The following EML1 variants were observed in gnomAD, a reference collection of about 807,000 sequenced individuals.
EML1 encodes the protein EMAP like 1.
A neutral mutation model predicts 110.4 loss-of-function variants in EML1; 27 were observed. That is an observed-to-expected ratio of 0.24 (90% CI 0.18 to 0.34). The LOEUF is 0.34. Among genes scored for constraint, EML1 ranks in the 10% least tolerant of loss-of-function variants. The pLI is 1.00. For missense variants in EML1, 741 were observed against 1,030.9 expected (o/e 0.72, Z 3.85); for synonymous variants, 344 against 385.8 (o/e 0.89, Z 1.27).
chr14:99,932,313 A>G (rs2060384741), intron 17 of EML1, among the ~76,000 whole-genome samples: 2 of 152,274 alleles, frequency 1.3e-5, no homozygotes, highest in African/African-American at 4.8e-5. Context: ...GCTGAGAGAG[A>G]TTGTGAAGTC....
intron 1 of EML1, among the ~76,000 whole-genome samples, chr14:99,804,520 G>A (rs1365935020): frequency 1.3e-5 from 2 of 152,198 alleles, no homozygotes; most frequent in African/African-American, 2.4e-5. Context: ...CCTGGCCAGT[G>A]TGTTTCAGAG....
chr14:99,914,290 A>G lies in EML1; in HGVS notation c.1606A>G (p.Thr536Ala). ...VLQGTLSGDF[T>A]PITQGHTDEL... Reference sequence around the variant, plus strand: ...GCAGGGCACTCTGTCAGGGGACTTCACACCCATTACTCAGGTACGATCCCA... The same window carrying G: ...GCAGGGCACTCTGTCAGGGGACTTCGCACCCATTACTCAGGTACGATCCCA... The change falls in exon 14 of 22, where the codon ACA (threonine) becomes GCA (alanine). Residue 536 changes from threonine (T) to alanine (A), a missense_variant. Thr to Ala is a moderately conservative substitution (Grantham distance 58). Around this residue, in one of 4 missense-constraint regions of EML1, gnomAD observed 388 missense variants for 605.6 expected, o/e 0.64. Coordinates refer to ENST00000262233, the MANE Select transcript of EML1 (RefSeq NM_004434.3). 1.9e-6 allele frequency: 3 copies of G among 1,612,498 alleles called. 1 individual carries two copies. In the South Asian group the frequency reaches 3.3e-5, roughly 18 times the overall value.
intron 1 of EML1, among the ~76,000 whole-genome samples, chr14:99,798,598 G>C (rs982228463): frequency 2.0e-5 from 3 of 152,002 alleles, no homozygotes; most frequent in Non-Finnish European, 2.9e-5. Context: ...CACCATGTTG[G>C]CCAGGCTGGT....
rs552123509 is a variant in EML1, at chr14:99,827,932, T to C, written c.68-22921T>C. ...TAGATGCGATGGTTGGTGTATAATA[T>C]GAACACTGTCTCTGCAGGATTCTTG... On this transcript the variant is annotated intron_variant, in intron 1 of 21. Coordinates refer to ENST00000262233, the MANE Select transcript of EML1 (RefSeq NM_004434.3). The surrounding 1 kb of genome is among the most constrained non-coding windows in gnomAD (Gnocchi z 4.4). Among the ~76,000 whole-genome samples the C allele has an allele frequency of 4.6e-5, 7 of 152,308 alleles. 1 individual carries two copies. In the South Asian group the frequency reaches 1.5e-3, roughly 32 times the overall value.
chr14:99,899,221 CAT>C (rs908241318), intron 8 of EML1, among the ~76,000 whole-genome samples: 26 of 152,004 alleles, frequency 1.7e-4, no homozygotes, highest in African/African-American at 5.6e-4. Flanking sequence ...ATTTTATCAA[CAT>C]GTTTTCATCC....
At position 99,939,881 on chromosome 14, in the gene EML1, G is replaced by A; in HGVS notation, c.2323-106G>A. ...TCCCAAGTGAGAGCTGCCGAGCGGAGGGCGAGTAAAGGAATTAAGGCATGC... is the reference window on the plus strand; with the variant it reads ...TCCCAAGTGAGAGCTGCCGAGCGGAAGGCGAGTAAAGGAATTAAGGCATGC... On this transcript the variant is annotated intron_variant, in intron 21 of 21. Coordinates refer to ENST00000262233, the MANE Select transcript of EML1 (RefSeq NM_004434.3). The surrounding 1 kb of genome is among the most constrained non-coding windows in gnomAD (Gnocchi z 4.2). The A allele has an allele frequency of 1.5e-6, 2 of 1,371,686 alleles. No individual in the cohort carries two copies. The highest frequency in any genetic ancestry group is 1.9e-6 in the Non-Finnish European group (2 of 1,037,174). The allele number at this position is 1,371,686 out of a possible 1,614,324, so 85.0% of individuals were successfully genotyped here.
At chr14:99,778,923 T>C (rs2057511140) in intron 1 of EML1, among the ~76,000 whole-genome samples, 1 of 152,230 alleles carries the variant, frequency 6.6e-6, no homozygotes, top group Admixed American at 6.5e-5. Flanking sequence ...CTATCCCCAG[T>C]GTTCTAAAAC....
At chr14:99,886,498 G>A (rs1460934075) in intron 4 of EML1, among the ~76,000 whole-genome samples, 1 of 152,196 alleles carries the variant, frequency 6.6e-6, no homozygotes. Context: ...AAGAAGTCAT[G>A]TTATTCCAAG....
Position 99,885,719 on chromosome 14 carries a change from A to C in EML1, c.519-5480A>C, listed in dbSNP as rs548837781. Among the ~76,000 whole-genome samples, 126 of 152,358 alleles carry C rather than the reference A, an allele frequency of 8.3e-4. No individual in the cohort carries two copies. In the South Asian group the frequency reaches 8.9e-3, roughly 11 times the overall value. On this transcript the variant is annotated intron_variant, in intron 4 of 21. Transcript: ENST00000262233. ...ATATTGTTTTAGTTTTGAGACTGTTAGCTGAGGAGTCTGGAAATACAAAGG... is the reference window on the plus strand; with the variant it reads ...ATATTGTTTTAGTTTTGAGACTGTTCGCTGAGGAGTCTGGAAATACAAAGG...
At chr14:99,792,695 T>G (rs904806576), upstream of EML1, 2 of 152,286 alleles carry the variant, frequency 1.3e-5, no homozygotes, top group Non-Finnish European at 2.9e-5. Flanking sequence ...ATGTTTTAGC[T>G]GCGTCGAGTC....
At chr14:99,790,965 C>T (rs1448666781), upstream of EML1, among the ~76,000 whole-genome samples, 2 of 151,362 alleles carry the variant, frequency 1.3e-5, no homozygotes. Flanking sequence ...TCAGGTGATT[C>T]TCCCACCTCA....
chr14:99,808,716 G>C (rs1180898101), intron 1 of EML1, among the ~76,000 whole-genome samples: 1 of 152,170 alleles, frequency 6.6e-6, no homozygotes, highest in Non-Finnish European at 1.5e-5. Flanking sequence ...AACCACGTAT[G>C]CTCCACACTG....
chr14:99,801,200 G>T (rs954342350), intron 1 of EML1, among the ~76,000 whole-genome samples: 1 of 152,232 alleles, frequency 6.6e-6, no homozygotes, highest in South Asian at 2.1e-4. Flanking sequence ...ATGGTTAGGC[G>T]AATATTCATG....
In EML1 at chr14:99,936,136, G is replaced by A. The variant is rs769176993; in HGVS notation, c.2007+10G>A. ...AGTGGGCAAGTGCTCGGTAAGCGCTGACAGTGGACCTGTCGCTTCTCATGC... is the reference window on the plus strand; with the variant it reads ...AGTGGGCAAGTGCTCGGTAAGCGCTAACAGTGGACCTGTCGCTTCTCATGC... On this transcript the variant is annotated intron_variant, in intron 18 of 21. Coordinates refer to ENST00000262233, the MANE Select transcript of EML1 (RefSeq NM_004434.3). The surrounding 1 kb of genome is among the most constrained non-coding windows in gnomAD (Gnocchi z 5.5). 2 of 1,614,106 alleles carry A rather than the reference G, an allele frequency of 1.2e-6. No individual in the cohort carries two copies. Among genetic ancestry groups the A allele is most frequent in the Admixed American group, 3.3e-5 (2 of 60,032 alleles).
chr14:99,739,448 C>T (rs147108973), intron 1 of EML1, among the ~76,000 whole-genome samples: 1 of 152,340 alleles, frequency 6.6e-6, no homozygotes, highest in East Asian at 1.9e-4. Flanking sequence ...GGGCACTGAG[C>T]ATGCACGTGT....
At chr14:99,913,426 C>T (rs1026918603) in intron 13 of EML1, among the ~76,000 whole-genome samples, 10 of 152,006 alleles carry the variant, frequency 6.6e-5, no homozygotes, top group Middle Eastern at 3.4e-3. Flanking sequence ...ATCCACCTAC[C>T]TCGGCCCCCC....
chr14:99,780,249 G>A (rs899385742), intron 1 of EML1, among the ~76,000 whole-genome samples: 4 of 152,048 alleles, frequency 2.6e-5, no homozygotes, highest in African/African-American at 9.7e-5. Context: ...GGTTTTCAGT[G>A]TATGAGTTTG....
intron 1 of EML1, among the ~76,000 whole-genome samples, chr14:99,849,621 C>T (rs2058759801): frequency 6.6e-6 from 1 of 151,790 alleles, no homozygotes; most frequent in South Asian, 2.1e-4. Context: ...AATCTTGGCT[C>T]ACTGCAACTT....
intron 13 of EML1, 53 bp downstream of exon 13, chr14:99,911,629 C>CT (rs1469034743): frequency 1.9e-6 from 3 of 1,565,662 alleles, no homozygotes. Flanking sequence ...AACTGTTATC[C>CT]TTTTTTTATT....
Sources: allele counts gnomAD v4.1 joint callset (sites outside exome capture counted in the v4.1 genomes callset), GRCh38; gene constraint gnomAD v4.1.1; regional missense constraint gnomAD v4.1.1; non-coding constraint Gnocchi (gnomAD v3.1); transcripts MANE v1.5; gene names NCBI Gene and HGNC (gene_info 2026-07-23, HGNC 2026-07-21).